Variants in GNA11 observed in about 807,000 individuals in gnomAD.
The protein encoded by GNA11 is guanine nucleotide-binding protein subunit alpha-11.
A neutral mutation model predicts 38.2 loss-of-function variants in GNA11; 8 were observed. The ratio of observed to expected loss-of-function variants is 0.21; its 90% confidence interval spans 0.12 to 0.38. The LOEUF (loss-of-function observed/expected upper bound fraction) is 0.38. Among genes scored for constraint, GNA11 ranks in the 10% least tolerant of loss-of-function variants. The probability of loss-of-function intolerance (pLI) is 1.00; values close to 1 mark genes in which losing one functional copy is unlikely to be tolerated. For missense variants in GNA11, 268 were observed against 516.3 expected, an observed-to-expected ratio of 0.52 and a Z score of 4.66; for synonymous variants, 211 against 221.4, an observed-to-expected ratio of 0.95 and a Z score of 0.42.
intron 4 of GNA11, among the ~76,000 whole-genome samples, chr19:3,116,441 T>C (rs1359298435): frequency 2.0e-5 from 3 of 150,460 alleles, no homozygotes; most frequent in East Asian, 3.9e-4. Context: ...CGGCTCCTAG[T>C]GGCGGCCGCA....
chr19:3,120,884 G>A lies in GNA11; in HGVS notation c.890-105G>A, dbSNP rs770960576. 1.3e-6 allele frequency: 1 copy of A among 764,420 alleles called. No individual in the cohort carries two copies. 47.4% of individuals were successfully genotyped at this position (764,420 alleles called of 1,614,324 possible). ...AGTGGGCTGGGGGTCGAGCTGGGTG[G>A]GCCGTGGGCCTTACTCGCTCATCCC... is the stretch of plus-strand genomic sequence containing the variant. On this transcript the variant is annotated intron_variant, in intron 6 of 6. Transcript: ENST00000078429. The surrounding 1 kb of genome is among the most constrained non-coding windows in gnomAD (Gnocchi z 5.9).
chr19:3,119,229 C>T lies in GNA11; in HGVS notation c.759C>T (p.Ala253=). The T allele has an allele frequency of 6.2e-7, 1 of 1,613,940 alleles. No individual in the cohort carries two copies. Among genetic ancestry groups the T allele is most frequent in the Non-Finnish European group, 8.5e-7 (1 of 1,179,948 alleles). ...DNENRMEESK[A]LFRTIITYPW... is the part of the protein sequence containing the mutation. ...AGAACCGGATGGAGGAGAGCAAAGCCCTGTTCCGGACCATCATCACCTACC... is the reference window on the plus strand; with the variant it reads ...AGAACCGGATGGAGGAGAGCAAAGCTCTGTTCCGGACCATCATCACCTACC... The change falls in exon 6 of 7, where the codon GCC becomes GCT. Residue 253 remains alanine (A), a synonymous_variant. Transcript: ENST00000078429. The surrounding 1 kb of genome is among the most constrained non-coding windows in gnomAD (Gnocchi z 4.6).
In GNA11 at chr19:3,121,700, C is replaced by T. The variant is rs1914086236; in HGVS notation, c.*521C>T. On this transcript the variant is annotated 3_prime_UTR_variant, in exon 7 of 7. Transcript: ENST00000078429. ...AAAGGCGTGGAGACTCGGAGACGGA[C>T]GTTTTTCCCCTTTTTTAAGTTATTG... 1 of 232,840 alleles carries T rather than the reference C, an allele frequency of 4.3e-6. No homozygotes were observed. The highest frequency in any genetic ancestry group is 8.5e-6 in the Non-Finnish European group (1 of 117,916). 14.4% of individuals were successfully genotyped at this position (232,840 alleles called of 1,614,324 possible).
At chr19:3,099,608 A>C (rs550157732) in intron 1 of GNA11, among the ~76,000 whole-genome samples, 1 of 152,160 alleles carries the variant, frequency 6.6e-6, no homozygotes, top group South Asian at 2.1e-4. Flanking sequence ...GCTGCCCTGG[A>C]TCCAGACTCT....
At chr19:3,104,294 C>T (rs982178496) in intron 1 of GNA11, among the ~76,000 whole-genome samples, 9 of 152,216 alleles carry the variant, frequency 5.9e-5, no homozygotes, top group African/African-American at 9.6e-5. Context: ...CGGGTCCAGT[C>T]GGGAGGGTGG....
intron 1 of GNA11, among the ~76,000 whole-genome samples, chr19:3,107,161 G>A (rs574991176): frequency 4.0e-4 from 61 of 152,284 alleles, no homozygotes; most frequent in African/African-American, 1.4e-3. Context: ...ACTTGGGCCC[G>A]GGAGGCGGAG....
chr19:3,121,113 C>T lies in GNA11; in HGVS notation c.1014C>T (p.Arg338=), dbSNP rs1914061460. ...FTCATDTENI[R]FVFAAVKDTI... ...GTGCCACCGACACGGAGAACATCCG[C>T]TTCGTGTTCGCGGCCGTGAAGGACA... Residue 338 remains arginine (R), a synonymous_variant, in exon 7 of 7, where the codon CGC becomes CGT. Coordinates refer to ENST00000078429, the MANE Select transcript of GNA11 (RefSeq NM_002067.5). The T allele has an allele frequency of 1.2e-6, 2 of 1,613,776 alleles. No individual in the cohort carries two copies. Among genetic ancestry groups the T allele is most frequent in the African/African-American group, 2.7e-5 (2 of 74,906 alleles).
At chr19:3,107,351 G>A (rs764180498) in intron 1 of GNA11, among the ~76,000 whole-genome samples, 10 of 152,324 alleles carry the variant, frequency 6.6e-5, no homozygotes, top group Non-Finnish European at 1.3e-4. Flanking sequence ...TCCTCGCTGA[G>A]AGCTGAGGCT....
Position 3,118,733 on chromosome 19 carries a change from G to A in GNA11, c.606-191G>A, listed in dbSNP as rs184069437. 405 of 590,418 alleles carry A rather than the reference G, an allele frequency of 6.9e-4. 3 individuals are homozygous for A. Among genetic ancestry groups the A allele is most frequent in the African/African-American group, 6.4e-3 (344 of 53,748 alleles). The allele number at this position is 590,418 out of a possible 1,614,324, so 36.6% of individuals were successfully genotyped here. ...CTTTGCCAGTGAGGGAAGGGTCTGC[G>A]GTGGTCACCCCTGGAGGCGGTGCGG... On this transcript the variant is annotated intron_variant, in intron 4 of 6. Coordinates refer to ENST00000078429, the MANE Select transcript of GNA11 (RefSeq NM_002067.5).
At chr19:3,098,696 C>T (rs771301776) in intron 1 of GNA11, among the ~76,000 whole-genome samples, 8 of 152,214 alleles carry the variant, frequency 5.3e-5, no homozygotes, top group Non-Finnish European at 8.8e-5. Flanking sequence ...CGGGAAGGGC[C>T]GGGCCTCTGT....
At chr19:3,109,370 C>T (rs935345380) in intron 1 of GNA11, among the ~76,000 whole-genome samples, 2 of 152,234 alleles carry the variant, frequency 1.3e-5, no homozygotes, top group Admixed American at 6.5e-5. Flanking sequence ...ATAGTTTTTC[C>T]AGGCTGACTT....
chr19:3,096,758 C>T lies in GNA11; in HGVS notation c.136+1971C>T, dbSNP rs963502521. Among the ~76,000 whole-genome samples the T allele has an allele frequency of 2.0e-4, 30 of 151,058 alleles. 1 individual carries two copies. The highest frequency in any genetic ancestry group is 6.6e-5 in the Admixed American group (1 of 15,198). On this transcript the variant is annotated intron_variant, in intron 1 of 6. Transcript: ENST00000078429. The stretch of plus-strand genomic sequence containing the variant: ...AGTTGACCCCTATCAGCCTGTAAGA[C>T]GGGAGGTTGCTGTCAGGCTCAGGGC...
intron 1 of GNA11, among the ~76,000 whole-genome samples, chr19:3,106,842 C>T (rs891908312): frequency 6.6e-6 from 1 of 152,242 alleles, no homozygotes; most frequent in Non-Finnish European, 1.5e-5. Flanking sequence ...TAGGTGTGAG[C>T]CACCTCCCTC....
rs375265276 is a variant in GNA11, at chr19:3,119,385, G to A, written c.889+26G>A. ...GTGCGCCGGGCTGCGGCATGGGGAG[G>A]GGCTCGCGGGCAGGGCCTTACTGGG... On this transcript the variant is annotated intron_variant, in intron 6 of 6. Transcript: ENST00000078429. This position sits in a 1 kb window ranked among gnomAD's most constrained non-coding sequence, Gnocchi z 4.6. The A allele has an allele frequency of 7.5e-6, 12 of 1,609,272 alleles. No homozygotes were observed. The highest frequency in any genetic ancestry group is 9.3e-6 in the Non-Finnish European group (11 of 1,177,188).
rs1913313488 is a variant in GNA11 at position 3,094,598 on chromosome 19, C to T, written c.-54C>T. ...GAGGCGGCTCCGGCCAGGGCCGGGC[C>T]GGGGGCCGGGGGGCGGCGGCGGGCA... On this transcript the variant is annotated 5_prime_UTR_variant, in exon 1 of 7. Transcript: ENST00000078429. This position sits in a 1 kb window ranked among gnomAD's most constrained non-coding sequence, Gnocchi z 6.0. 9 of 942,402 alleles carry T rather than the reference C, an allele frequency of 9.6e-6. No homozygotes were observed. Among genetic ancestry groups the T allele is most frequent in the African/African-American group, 1.8e-5 (1 of 55,102 alleles). 58.4% of individuals were successfully genotyped at this position (942,402 alleles called of 1,614,324 possible).
intron 1 of GNA11, among the ~76,000 whole-genome samples, chr19:3,097,881 C>T (rs887391838): frequency 2.0e-5 from 3 of 152,208 alleles, no homozygotes; most frequent in African/African-American, 2.4e-5. Context: ...CCGAGGCCTC[C>T]ACCCACTCCA....
rs1913682463 is a variant in GNA11, at chr19:3,108,195, G to A, written c.137-1954G>A. On this transcript the variant is annotated intron_variant, in intron 1 of 6. Transcript: ENST00000078429. The surrounding 1 kb of genome is among the most constrained non-coding windows in gnomAD (Gnocchi z 4.5). The stretch of plus-strand genomic sequence containing the variant: ...GGGCTTTGTCGAGGGCCTCCCGAAG[G>A]CAGCACTGTGGCCACCGTGGGACAC... Among the ~76,000 whole-genome samples, 1 of 152,184 alleles carries A rather than the reference G, an allele frequency of 6.6e-6. No individual in the cohort carries two copies. The highest frequency in any genetic ancestry group is 1.5e-5 in the Non-Finnish European group (1 of 68,040).
In GNA11 at chr19:3,110,010, T is replaced by A; in HGVS notation, c.137-139T>A. 1 of 629,876 alleles carries A rather than the reference T, an allele frequency of 1.6e-6. No individual in the cohort carries two copies. The highest frequency in any genetic ancestry group is 2.8e-6 in the Non-Finnish European group (1 of 362,604). 39.0% of individuals were successfully genotyped at this position (629,876 alleles called of 1,614,324 possible). A position where few individuals can be genotyped will look rare whatever the true frequency, so the allele number is the denominator to read the frequency against. ...CGAGGAGTCAGGAGGCCGTGGCGTC[T>A]GGTGGAGAGACGGTCAGCCTCACGT... On this transcript the variant is annotated intron_variant, in intron 1 of 6. Transcript: ENST00000078429. The surrounding 1 kb of genome is among the most constrained non-coding windows in gnomAD (Gnocchi z 5.4).
intron 1 of GNA11, among the ~76,000 whole-genome samples, chr19:3,102,564 G>A (rs1489100602): frequency 2.6e-5 from 4 of 152,208 alleles, no homozygotes; most frequent in East Asian, 3.8e-4. Context: ...CCAGGAGACC[G>A]AAGTCTCTTC....
Sources: allele counts gnomAD v4.1 joint callset (sites outside exome capture counted in the v4.1 genomes callset), GRCh38; gene constraint gnomAD v4.1.1; non-coding constraint Gnocchi (gnomAD v3.1); transcripts MANE v1.5; gene names NCBI Gene and HGNC (gene_info 2026-07-23, HGNC 2026-07-21).